The following NPNT variants were observed in gnomAD, a reference collection of about 807,000 sequenced individuals.
NPNT encodes preosteoblast EGF-like repeat protein with MAM domain.
Under a neutral mutation model 68.6 loss-of-function variants are expected in NPNT, and 45 were observed. The ratio of observed to expected loss-of-function variants is 0.66; its 90% CI spans 0.52 to 0.84. NPNT has a LOEUF of 0.84. Among genes scored for constraint, NPNT ranks in the 40% least tolerant of loss-of-function variants. The pLI is 0.00. For missense variants in NPNT, 672 were observed against 714.8 expected (o/e 0.94, Z 0.68); for synonymous variants, 233 against 253.3 (o/e 0.92, Z 0.76).
intron 7 of NPNT, among the ~76,000 whole-genome samples, 171 bp from the exon 8 acceptor site, chr4:105,942,136 T>TATATATAGAC (rs140603677): frequency 1.2e-4 from 18 of 147,782 alleles, no homozygotes; most frequent in African/African-American, 3.3e-4. Flanking sequence ...TATATATATA[T>TATATATAGAC]ACACACATAT....
In NPNT at chr4:105,947,925, T is replaced by C. The variant is rs116537717; in HGVS notation, c.1159+5223T>C. Among the ~76,000 whole-genome samples the C allele has an allele frequency of 6.8e-4, 104 of 152,284 alleles. 1 individual carries two copies. Among genetic ancestry groups the C allele is most frequent in the Non-Finnish European group, 1.1e-3 (72 of 68,018 alleles). ...GAGATTTATGGGCAGCTATTTAATCTCCAGATGTTTTTTCCTCAAATGGCC... is the reference window on the plus strand; with the variant it reads ...GAGATTTATGGGCAGCTATTTAATCCCCAGATGTTTTTTCCTCAAATGGCC... On this transcript the variant is annotated intron_variant, in intron 8 of 11. Coordinates refer to ENST00000379987, the MANE Select transcript of NPNT (RefSeq NM_001033047.3).
rs555386230 is a variant in NPNT, at chr4:105,949,729, T to C, written c.1159+7027T>C. Among the ~76,000 whole-genome samples the C allele has an allele frequency of 2.0e-3, 311 of 152,286 alleles. 2 individuals carry two copies. Among genetic ancestry groups the C allele is most frequent in the African/African-American group, 7.3e-3 (302 of 41,560 alleles). Reference sequence around the variant, plus strand: ...TCTTATATAACTATTAAACATGTTTTATGGAAAATATTTAATAATTTTGGA... The same window carrying C: ...TCTTATATAACTATTAAACATGTTTCATGGAAAATATTTAATAATTTTGGA... On this transcript the variant is annotated intron_variant, in intron 8 of 11. Coordinates refer to ENST00000379987, the MANE Select transcript of NPNT (RefSeq NM_001033047.3).
intron 8 of NPNT, among the ~76,000 whole-genome samples, chr4:105,946,000 A>G (rs1244904828): frequency 6.6e-6 from 1 of 152,244 alleles, no homozygotes; most frequent in Non-Finnish European, 1.5e-5. Context: ...TCTAGAAAGT[A>G]TAAATTGAGC....
chr4:105,906,268 A>C (rs146824012), intron 2 of NPNT, among the ~76,000 whole-genome samples: 3,063 of 152,320 alleles, frequency 0.02, 104 homozygotes, highest in African/African-American at 0.068. Flanking sequence ...TTATGGTTTT[A>C]CTGCATGTAG....
chr4:105,933,798 C>T (rs930910813), intron 3 of NPNT, among the ~76,000 whole-genome samples: 4 of 152,098 alleles, frequency 2.6e-5, no homozygotes, highest in Admixed American at 6.5e-5. Context: ...TGGACCAGTT[C>T]CCTTCTCCCT....
At chr4:105,936,922 A>T in intron 3 of NPNT, 87 bp from the exon 4 acceptor site, 2 of 1,360,302 alleles carry the variant, frequency 1.5e-6, no homozygotes, top group Admixed American at 2.7e-5. Flanking sequence ...TTTCTCTTTC[A>T]TTTTTTAATA....
At chr4:105,909,087 A>G (rs1050893967) in intron 2 of NPNT, among the ~76,000 whole-genome samples, 2 of 152,226 alleles carry the variant, frequency 1.3e-5, no homozygotes, top group African/African-American at 4.8e-5. Flanking sequence ...ATATTTACAT[A>G]CCAACAAATA....
intron 10 of NPNT, among the ~76,000 whole-genome samples, chr4:105,962,814 G>A (rs1051792561): frequency 5.0e-4 from 76 of 151,990 alleles, no homozygotes; most frequent in African/African-American, 1.8e-3. Context: ...ACCTTTTCAT[G>A]GTTTTTTATT....
At chr4:105,901,984 ATTAG>A (rs2149316753) in intron 2 of NPNT, among the ~76,000 whole-genome samples, 1 of 152,328 alleles carries the variant, frequency 6.6e-6, no homozygotes, top group South Asian at 2.1e-4. Flanking sequence ...TGAAAAGGCT[ATTAG>A]TTTGAGCAGA....
intron 2 of NPNT, 156 bp downstream of exon 2, chr4:105,898,157 TCTG>T (rs1327833384): frequency 1.1e-5 from 5 of 450,144 alleles, no homozygotes; most frequent in Non-Finnish European, 2.0e-5. Context: ...GACTCCTTAT[TCTG>T]CTTCTTTTCA....
At position 105,967,438 on chromosome 4, in the gene NPNT, C is replaced by G. The variant is rs1732254712; in HGVS notation, c.1596C>G (p.Ile532Met). ...AGATCACCTTGCGAGGGGCTGACAT[C>G]AAGAGCGTAAGTAGATCCACAAAGG... ...QTQITLRGADIKSVVFKGEKR... is the reference protein window; with the variant it reads ...QTQITLRGADMKSVVFKGEKR... The change falls in exon 11 of 12, where the codon ATC becomes ATG. Residue 532 changes from isoleucine (I) to methionine (M), a missense_variant. Ile to Met is a conservative substitution (Grantham distance 10, BLOSUM62 1). Coordinates refer to ENST00000379987, the MANE Select transcript of NPNT (RefSeq NM_001033047.3). 6.3e-7 allele frequency: 1 copy of G among 1,582,958 alleles called. No homozygotes were observed. Among genetic ancestry groups the G allele is most frequent in the Non-Finnish European group, 8.6e-7 (1 of 1,166,442 alleles).
intron 8 of NPNT, among the ~76,000 whole-genome samples, chr4:105,954,792 G>A (rs574549665): frequency 6.6e-6 from 1 of 152,218 alleles, no homozygotes; most frequent in East Asian, 1.9e-4. Flanking sequence ...TTTATGACGT[G>A]TATCCTCCCC....
At chr4:105,965,311 C>A in intron 10 of NPNT, among the ~76,000 whole-genome samples, 1 of 150,280 alleles carries the variant, frequency 6.7e-6, no homozygotes. Context: ...AGTTAATGTT[C>A]CAACTTGTAT....
chr4:105,897,732 G>A (rs1725982449), intron 1 of NPNT, among the ~76,000 whole-genome samples, 169 bp from the exon 2 acceptor site: 2 of 152,172 alleles, frequency 1.3e-5, no homozygotes, highest in African/African-American at 4.8e-5. Context: ...TTAGATCATA[G>A]CAGAACTATT....
intron 2 of NPNT, among the ~76,000 whole-genome samples, chr4:105,902,047 TTCTC>T (rs1176061180): frequency 1.3e-5 from 2 of 152,222 alleles, no homozygotes; most frequent in Non-Finnish European, 2.9e-5. Flanking sequence ...TTTCATTTCT[TTCTC>T]CTATCTGGGT....
chr4:105,896,033 G>T, intron 1 of NPNT: 1 of 413,890 alleles, frequency 2.4e-6, no homozygotes, highest in Middle Eastern at 6.5e-4. Flanking sequence ...CTGAGGGCGC[G>T]GTTTAGCCAC....
intron 2 of NPNT, among the ~76,000 whole-genome samples, chr4:105,920,675 GAATTAA>G: frequency 6.6e-6 from 1 of 152,024 alleles, no homozygotes; most frequent in African/African-American, 2.4e-5. Context: ...GACACTTCAG[GAATTAA>G]AATTTAAATA....
intron 8 of NPNT, 56 bp downstream of exon 8, chr4:105,942,758 A>G: frequency 6.7e-7 from 1 of 1,486,780 alleles, no homozygotes. Flanking sequence ...TGACTTTTCA[A>G]CCACAGGCCA....
intron 2 of NPNT, chr4:105,927,110 A>C (rs1023279327): frequency 2.7e-5 from 8 of 298,618 alleles, no homozygotes; most frequent in East Asian, 1.6e-4. Context: ...CCTTGAATTT[A>C]AAATTTTTTT....
Sources: allele counts gnomAD v4.1 joint callset (sites outside exome capture counted in the v4.1 genomes callset), GRCh38; gene constraint gnomAD v4.1.1; transcripts MANE v1.5; gene names NCBI Gene and HGNC (gene_info 2026-07-23, HGNC 2026-07-21).